The following ACOT7 variants were observed in gnomAD, a reference collection of about 807,000 sequenced individuals.
The protein encoded by ACOT7 is cytosolic acyl coenzyme A thioester hydrolase.
ACOT7 carries 12 observed loss-of-function variants against 40.2 expected under a neutral mutation model. The observed-to-expected ratio is 0.30, with a 90% CI of 0.19 to 0.48. The LOEUF is 0.48. Among genes scored for constraint, ACOT7 ranks in the 20% least tolerant of loss-of-function variants. The pLI, the probability that ACOT7 is intolerant of heterozygous loss-of-function variation, is 0.99. For synonymous variants in ACOT7, 228 were observed against 219.5 expected, an observed-to-expected ratio of 1.04 and a Z score of -0.34; for missense variants, 395 against 530.8, an observed-to-expected ratio of 0.74 and a Z score of 2.51.
At chr1:6,307,175 C>T (rs920074863) in intron 6 of ACOT7, among the ~76,000 whole-genome samples, 16 of 152,270 alleles carry the variant, frequency 1.1e-4, no homozygotes, top group South Asian at 2.1e-4. Flanking sequence ...TGGTGGAGCA[C>T]GGCGGGGCTC....
In ACOT7 at chr1:6,275,049, C is replaced by T. The variant is rs948966845; in HGVS notation, c.1014+6053G>A. ...GGCGAGTGACTCCCTGCCTGGTGCC[C>T]GCCTCCTGTCTGGGGATGGGAAGCA... is the stretch of plus-strand genomic sequence containing the variant. On this transcript the variant is annotated intron_variant, in intron 8 of 8. Coordinates refer to ENST00000361521, the MANE Select transcript of ACOT7 (RefSeq NM_007274.4). This position sits in a 1 kb window ranked among gnomAD's most constrained non-coding sequence, Gnocchi z 5.6. Among the ~76,000 whole-genome samples, 6 of 152,202 alleles carry T rather than the reference C, an allele frequency of 3.9e-5. No individual in the cohort carries two copies. Among genetic ancestry groups the T allele is most frequent in the African/African-American group, 7.2e-5 (3 of 41,450 alleles).
In ACOT7 at chr1:6,383,168, C is replaced by T. The variant is rs544113357; in HGVS notation, c.143+10089G>A. Among the ~76,000 whole-genome samples, 9 of 151,482 alleles carry T rather than the reference C, an allele frequency of 5.9e-5. 1 individual carries two copies. In the South Asian group the frequency reaches 1.5e-3, roughly 25 times the overall value. ...TGGTGGGAATACAGGTGTGAGCCAC[C>T]ATGCCCGGCTAAGATGGCAGATTTT... On this transcript the variant is annotated intron_variant, in intron 1 of 8. Transcript: ENST00000361521.
In ACOT7 at chr1:6,335,268, G is replaced by A. The variant is rs60102321; in HGVS notation, c.419-1700C>T. ...CTTGAACCCAGGAGGCAGAGGTTGC[G>A]GTGAGCCGAGATGGCGCCATTGCAC... On this transcript the variant is annotated intron_variant, in intron 3 of 8. Coordinates refer to ENST00000361521, the MANE Select transcript of ACOT7 (RefSeq NM_007274.4). 8.6e-3 allele frequency among the ~76,000 whole-genome samples: 1,298 copies of A among 150,438 alleles called. 24 individuals carry two copies. Among genetic ancestry groups the A allele is most frequent in the East Asian group, 0.08 (404 of 5,076 alleles).
At chr1:6,372,681 T>C (rs1429885950) in intron 1 of ACOT7, among the ~76,000 whole-genome samples, 2 of 151,966 alleles carry the variant, frequency 1.3e-5, no homozygotes, top group East Asian at 3.9e-4. Flanking sequence ...TCTGAGTAGC[T>C]GAGACTACAG....
chr1:6,360,626 T>C (rs1193408331), intron 1 of ACOT7: 2 of 1,614,220 alleles, frequency 1.2e-6, no homozygotes, highest in South Asian at 1.1e-5. Context: ...GGACGTTTAG[T>C]GACAAGCTTC....
chr1:6,294,310 A>G lies in ACOT7; in HGVS notation c.829+554T>C, dbSNP rs1005978756. On this transcript the variant is annotated intron_variant, in intron 7 of 8. Coordinates refer to ENST00000361521, the MANE Select transcript of ACOT7 (RefSeq NM_007274.4). The surrounding 1 kb of genome is among the most constrained non-coding windows in gnomAD (Gnocchi z 4.6). ...CAAACTGCAGAGGCCTGGCCTGTCAAGCTGGCACACATACCCCAGGGACAG... is the reference window on the plus strand; with the variant it reads ...CAAACTGCAGAGGCCTGGCCTGTCAGGCTGGCACACATACCCCAGGGACAG... Among the ~76,000 whole-genome samples, 3 of 152,238 alleles carry G rather than the reference A, an allele frequency of 2.0e-5. No individual in the cohort carries two copies. Among genetic ancestry groups the G allele is most frequent in the Non-Finnish European group, 4.4e-5 (3 of 68,032 alleles).
At chr1:6,271,533 C>T (rs1415014221) in intron 8 of ACOT7, among the ~76,000 whole-genome samples, 1 of 152,220 alleles carries the variant, frequency 6.6e-6, no homozygotes, top group Non-Finnish European at 1.5e-5. Flanking sequence ...AGCACCAGGA[C>T]CACCAGCCTC....
At chr1:6,343,879 C>T (rs1247614850) in intron 2 of ACOT7, among the ~76,000 whole-genome samples, 2 of 152,242 alleles carry the variant, frequency 1.3e-5, no homozygotes, top group African/African-American at 4.8e-5. Context: ...TTTCTGGCAG[C>T]ATCTGTGGGG....
chr1:6,360,726 C>T, intron 1 of ACOT7: 2 of 1,608,702 alleles, frequency 1.2e-6, no homozygotes, highest in South Asian at 2.2e-5. Context: ...AGCCTGGGCC[C>T]CAATACTGTG....
intron 7 of ACOT7, among the ~76,000 whole-genome samples, chr1:6,293,425 A>C (rs1639727866): frequency 6.6e-6 from 1 of 152,230 alleles, no homozygotes. Context: ...GCTAAAACAC[A>C]GAGGACCCAC....
intron 6 of ACOT7, among the ~76,000 whole-genome samples, chr1:6,316,792 G>A (rs1297015129): frequency 6.6e-6 from 1 of 152,180 alleles, no homozygotes; most frequent in Non-Finnish European, 1.5e-5. Flanking sequence ...TCTAGCCTGG[G>A]CAACAGAGTG....
At chr1:6,293,812 T>A (rs1329601990) in intron 7 of ACOT7, among the ~76,000 whole-genome samples, 1 of 152,358 alleles carries the variant, frequency 6.6e-6, no homozygotes, top group East Asian at 1.9e-4. Context: ...CTTCTCTCAG[T>A]AATTCCAGGG....
chr1:6,379,554 C>G (rs543875877), intron 1 of ACOT7, among the ~76,000 whole-genome samples: 2 of 151,736 alleles, frequency 1.3e-5, no homozygotes, highest in South Asian at 4.2e-4. Context: ...GCCTTGACTT[C>G]CCAGGCTCAA....
rs145590709 is a variant in ACOT7, at chr1:6,301,701, G to A, written c.713-6721C>T. Reference sequence around the variant, plus strand: ...GCAAGCTGCCCCAGCCACAAAGTATGTGGCTCCTTCAGGCAACAATTTGCG... The same window carrying A: ...GCAAGCTGCCCCAGCCACAAAGTATATGGCTCCTTCAGGCAACAATTTGCG... On this transcript the variant is annotated intron_variant, in intron 6 of 8. Coordinates refer to ENST00000361521, the MANE Select transcript of ACOT7 (RefSeq NM_007274.4). The surrounding 1 kb of genome is among the most constrained non-coding windows in gnomAD (Gnocchi z 4.1). 5.4e-3 allele frequency among the ~76,000 whole-genome samples: 824 copies of A among 152,350 alleles called. 8 individuals are homozygous for A. The highest frequency in any genetic ancestry group is 0.019 in the African/African-American group (776 of 41,576).
intron 1 of ACOT7, among the ~76,000 whole-genome samples, chr1:6,377,457 G>T (rs1220969039): frequency 1.3e-5 from 2 of 152,116 alleles, no homozygotes; most frequent in Non-Finnish European, 2.9e-5. Context: ...AATTCAAGCT[G>T]GATATGGGTG....
Position 6,378,319 on chromosome 1 carries a change from G to A in ACOT7, c.143+14938C>T, listed in dbSNP as rs555809526. The stretch of plus-strand genomic sequence containing the variant: ...GTGCTCCTCGATAGCGCCAGACTGC[G>A]GCAGATGGTCCAGTCCCCCAGTGAT... On this transcript the variant is annotated intron_variant, in intron 1 of 8. Coordinates refer to ENST00000361521, the MANE Select transcript of ACOT7 (RefSeq NM_007274.4). Among the ~76,000 whole-genome samples the A allele has an allele frequency of 5.3e-5, 8 of 151,848 alleles. No individual in the cohort carries two copies. The South Asian group carries it at 1.0e-3, about 20-fold the overall frequency.
At chr1:6,266,132 C>T (rs903969668) in intron 8 of ACOT7, among the ~76,000 whole-genome samples, 6 of 152,354 alleles carry the variant, frequency 3.9e-5, no homozygotes, top group South Asian at 2.1e-4. Context: ...TTCCAAGACA[C>T]TTTATTGAAG....
intron 6 of ACOT7, among the ~76,000 whole-genome samples, chr1:6,305,451 AGAC>A (rs1403641356): frequency 4.0e-5 from 6 of 148,548 alleles, no homozygotes; most frequent in African/African-American, 1.5e-4. Flanking sequence ...TGCCGGGTGG[AGAC>A]GCTCCTCACT....
intron 6 of ACOT7, among the ~76,000 whole-genome samples, chr1:6,316,449 CACT>C (rs1451197968): frequency 6.6e-6 from 1 of 152,178 alleles, no homozygotes; most frequent in Non-Finnish European, 1.5e-5. Flanking sequence ...GTGCAGCCAC[CACT>C]GAGTGGGAAG....
Sources: allele counts gnomAD v4.1 joint callset (sites outside exome capture counted in the v4.1 genomes callset), GRCh38; gene constraint gnomAD v4.1.1; non-coding constraint Gnocchi (gnomAD v3.1); transcripts MANE v1.5; gene names NCBI Gene and HGNC (gene_info 2026-07-23, HGNC 2026-07-21).